OPHN1: variants seen among roughly 807,000 people sequenced by gnomAD.
OPHN1 encodes the protein oligophrenin-1.
OPHN1 carries 11 observed loss-of-function variants against 60.7 expected under a neutral mutation model. That is an observed-to-expected ratio of 0.18 (90% CI 0.11 to 0.30). The LOEUF is 0.30. Ranked by LOEUF, OPHN1 falls within the 10% of genes least tolerant of loss-of-function variation. The probability of loss-of-function intolerance (pLI) is 1.00; values close to 1 mark genes in which losing one functional copy is unlikely to be tolerated. For synonymous variants in OPHN1, 226 were observed against 222.6 expected, an observed-to-expected ratio of 1.02 and a Z score of -0.14; for missense variants, 449 against 611.0, an observed-to-expected ratio of 0.73 and a Z score of 2.80.
chrX:68,317,369 A>AAG (rs2078206605), intron 2 of OPHN1, among the ~76,000 whole-genome samples: 1 of 74,591 alleles, frequency 1.3e-5, no homozygotes, highest in African/African-American at 6.3e-5. Context: ...GAAAGAAAGA[A>AAG]AGAAAGAAAG....
intron 20 of OPHN1, chrX:68,070,603 G>A: frequency 2.9e-6 from 2 of 683,728 alleles, no homozygotes; most frequent in East Asian, 6.4e-5. Flanking sequence ...GTGCTCACAT[G>A]TCTGATTTTA....
intron 2 of OPHN1, among the ~76,000 whole-genome samples, chrX:68,319,221 A>T (rs1025462520): frequency 8.9e-6 from 1 of 112,151 alleles, no homozygotes; most frequent in African/African-American, 3.2e-5. Context: ...AATGGAGGAA[A>T]TATTACTTTT....
intron 19 of OPHN1, among the ~76,000 whole-genome samples, chrX:68,081,453 T>C (rs769804562): frequency 9.0e-6 from 1 of 111,557 alleles, no homozygotes; most frequent in African/African-American, 3.3e-5. Flanking sequence ...GTTGTGATGG[T>C]TGAATGAGGT....
At chrX:68,386,930 T>C (rs1469001334) in intron 2 of OPHN1, among the ~76,000 whole-genome samples, 1 of 111,539 alleles carries the variant, frequency 9.0e-6, no homozygotes, top group Non-Finnish European at 1.9e-5. Context: ...AACAACACCT[T>C]GTTGCCATCT....
At chrX:68,433,713 G>T (rs1206028854), upstream of OPHN1, 1 of 295,814 alleles carries the variant, frequency 3.4e-6, no homozygotes, top group Non-Finnish European at 5.9e-6. Flanking sequence ...CGTCCTTTTA[G>T]GCGCCGGAAG....
chrX:68,086,136 G>A lies in OPHN1; in HGVS notation c.1686+10734C>T, dbSNP rs1375773656. 6.2e-5 allele frequency among the ~76,000 whole-genome samples: 6 copies of A among 96,130 alleles called. No homozygotes were observed. The Admixed American group carries it at 6.7e-4, about 11-fold the overall frequency. The allele number at this position is 96,130 out of a possible 115,157, so 83.5% of individuals were successfully genotyped here. A position where few individuals can be genotyped will look rare whatever the true frequency, so the allele number is the denominator to read the frequency against. Reference sequence around the variant, plus strand: ...GGAGACTGCAGTGAGCTTAGATCACGCCACTGCACTCCAAACTGGGTGGCA... The same window carrying A: ...GGAGACTGCAGTGAGCTTAGATCACACCACTGCACTCCAAACTGGGTGGCA... On this transcript the variant is annotated intron_variant, in intron 19 of 24. Transcript: ENST00000355520.
intron 18 of OPHN1, among the ~76,000 whole-genome samples, chrX:68,101,035 C>T (rs2077056679): frequency 9.0e-6 from 1 of 111,671 alleles, no homozygotes; most frequent in African/African-American, 3.3e-5. Context: ...CGTGAGCCAC[C>T]GTGCCCAGCG....
intron 2 of OPHN1, among the ~76,000 whole-genome samples, chrX:68,304,011 C>T (rs1455918400): frequency 1.8e-5 from 2 of 111,271 alleles, no homozygotes; most frequent in African/African-American, 6.5e-5. Flanking sequence ...CTTTCTATTG[C>T]AATGCAGTGT....
chrX:68,053,941 T>A, intron 21 of OPHN1, 131 bp from the exon 22 acceptor site: 5 of 570,391 alleles, frequency 8.8e-6, no homozygotes, highest in Non-Finnish European at 1.3e-5. Context: ...GACTAACAAC[T>A]CTGGCTATTT....
In OPHN1 at chrX:68,378,391, A is replaced by C. The variant is rs190044084; in HGVS notation, c.154+54476T>G. On this transcript the variant is annotated intron_variant, in intron 2 of 24. Coordinates refer to ENST00000355520, the MANE Select transcript of OPHN1 (RefSeq NM_002547.3). ...TCCCATTTTGTAGGTTGCCTGTTCAATCTGATGGTAGTTTCTTTTGCTGTG... is the reference window on the plus strand; with the variant it reads ...TCCCATTTTGTAGGTTGCCTGTTCACTCTGATGGTAGTTTCTTTTGCTGTG... Among the ~76,000 whole-genome samples, 23 of 111,466 alleles carry C rather than the reference A, an allele frequency of 2.1e-4. No homozygotes were observed. The East Asian group carries it at 4.5e-3, about 22-fold the overall frequency.
chrX:68,052,550 T>C lies in OPHN1; in HGVS notation c.2365A>G (p.Lys789Glu). Residue 789 changes from lysine (K) to glutamate (E), a missense_variant, in exon 23 of 25, where the codon AAA (lysine) becomes GAA (glutamate). Lys to Glu is a moderately conservative substitution (Grantham distance 56). Around this residue, in one of 4 missense-constraint regions of OPHN1, gnomAD observed 184 missense variants for 160.5 expected, o/e 1.15. Transcript: ENST00000355520. ...RTRFFETASR[K>E]TGSSQGRLPG... is the part of the protein sequence containing the mutation. ...ACCTCCATATCTTACCTTCCTGTTT[T>C]CCGGGAAGCTGTTTCAAAAAACCTG... The C allele has an allele frequency of 8.3e-7, 1 of 1,206,854 alleles. No individual in the cohort carries two copies. The highest frequency in any genetic ancestry group is 1.1e-6 in the Non-Finnish European group (1 of 892,835).
chrX:68,308,359 G>A (rs1356989821), intron 2 of OPHN1, among the ~76,000 whole-genome samples: 1 of 111,658 alleles, frequency 9.0e-6, no homozygotes, highest in Non-Finnish European at 1.9e-5. Flanking sequence ...GGGAGGCTGA[G>A]GCAGGCAGAT....
intron 2 of OPHN1, among the ~76,000 whole-genome samples, chrX:68,303,012 AG>A (rs756167703): frequency 4.4e-4 from 42 of 96,456 alleles, no homozygotes; most frequent in African/African-American, 1.4e-3. Context: ...TGACCAAGGA[AG>A]TAAAAGATCT....
At chrX:68,378,905 T>A (rs2078577646) in intron 2 of OPHN1, among the ~76,000 whole-genome samples, 1 of 111,643 alleles carries the variant, frequency 9.0e-6, no homozygotes, top group Non-Finnish European at 1.9e-5. Context: ...AGGATTGACT[T>A]GGCAATGCGG....
chrX:68,222,924 T>C (rs1224098831), intron 6 of OPHN1, among the ~76,000 whole-genome samples: 2 of 100,661 alleles, frequency 2.0e-5, no homozygotes, highest in African/African-American at 7.3e-5. Flanking sequence ...ACTTAAAGTA[T>C]AATAGAAAAA....
At chrX:68,371,901 T>C (rs1177062367) in intron 2 of OPHN1, among the ~76,000 whole-genome samples, 1 of 111,682 alleles carries the variant, frequency 9.0e-6, no homozygotes, top group African/African-American at 3.3e-5. Context: ...TGTGCCACCA[T>C]ACCCGGCTAA....
intron 2 of OPHN1, among the ~76,000 whole-genome samples, chrX:68,383,923 T>C (rs2078611222): frequency 9.0e-6 from 1 of 111,329 alleles, no homozygotes; most frequent in Non-Finnish European, 1.9e-5. Context: ...TTGGAATTGT[T>C]TCCCTAAGGA....
chrX:68,388,369 A>T (rs2078635119), intron 2 of OPHN1, among the ~76,000 whole-genome samples: 1 of 106,894 alleles, frequency 9.4e-6, no homozygotes, highest in East Asian at 3.0e-4. Flanking sequence ...CTGAGGCAGG[A>T]TAATGGCTTG....
intron 19 of OPHN1, among the ~76,000 whole-genome samples, chrX:68,077,651 G>A (rs1211161541): frequency 8.9e-6 from 1 of 111,920 alleles, no homozygotes; most frequent in Non-Finnish European, 1.9e-5. Flanking sequence ...AAAGAAAAGG[G>A]TCTAAAAGCA....
Sources: gnomAD v4.1 joint callset for allele counts (sites outside exome capture counted in the v4.1 genomes callset) on GRCh38, gnomAD v4.1.1 for gene constraint, gnomAD v4.1.1 regional missense constraint, MANE v1.5 for transcripts, NCBI Gene and HGNC (gene_info 2026-07-23, HGNC 2026-07-21) for gene names.